PPP1R15A: variants seen among roughly 807,000 people sequenced by gnomAD.
PPP1R15A encodes protein phosphatase 1 regulatory subunit 15A.
PPP1R15A carries 43 observed loss-of-function variants against 48.5 expected under a neutral mutation model. The ratio of observed to expected loss-of-function variants is 0.89; its 90% CI spans 0.69 to 1.14. The LOEUF is 1.14. Ranked by LOEUF, PPP1R15A falls within the 50% of genes most tolerant of loss-of-function variation. PPP1R15A has a pLI of 0.00. For synonymous variants in PPP1R15A, 327 were observed against 327.4 expected (o/e 1.00, Z 0.01); for missense variants, 868 against 847.2 (o/e 1.02, Z -0.30).
Position 48,873,984 on chromosome 19 carries a change from C to T in PPP1R15A, c.751C>T (p.Arg251Ter), listed in dbSNP as rs201262597. 25 of 1,614,120 alleles carry T rather than the reference C, an allele frequency of 1.5e-5. No individual in the cohort carries two copies. The highest frequency in any genetic ancestry group is 1.3e-4 in the East Asian group (6 of 44,882). ...AGCCAGGAAGACCTCCGTGTCCCCC[C>T]GATCTTCAGGCTCCGACCCCAGGTC... ...KGARKTSVSPRSSGSDPRSWE... is the reference protein window; with the variant it reads ...KGARKTSVSP Residue 251 changes from arginine (R) to a stop codon, truncating the protein, a stop_gained, in exon 2 of 3, where the codon CGA becomes TGA. Transcript: ENST00000200453. LOFTEE classifies it high-confidence loss of function.
intron 2 of PPP1R15A, 165 bp from the exon 3 acceptor site, chr19:48,875,448 GA>G: frequency 1.0e-6 from 1 of 952,474 alleles, no homozygotes. Context: ...GAGTCAGATA[GA>G]TAGAGAATCC....
intron 2 of PPP1R15A, chr19:48,875,406 AG>A: frequency 4.3e-6 from 3 of 694,612 alleles, no homozygotes; most frequent in Non-Finnish European, 7.0e-6. Context: ...TGTGGCTCAC[AG>A]CAGCCCCAGG....
chr19:48,875,695 G>A lies in PPP1R15A; in HGVS notation c.1747G>A (p.Glu583Lys). Residue 583 changes from glutamate to lysine, a missense_variant, in exon 3 of 3, where the codon GAG becomes AAG. Transcript: ENST00000200453. ...PAQAARQGPW[E>K]QLARDRSRFA... ...CCAGGCCGCCCGCCAGGGCCCCTGG[G>A]AGCAGCTTGCTCGGGATCGCAGCCG... The A allele has an allele frequency of 6.2e-7, 1 of 1,612,464 alleles. No individual in the cohort carries two copies. The highest frequency in any genetic ancestry group is 1.1e-5 in the South Asian group (1 of 91,016).
chr19:48,872,734 T>C (rs2037023044), intron 1 of PPP1R15A, 83 bp downstream of exon 1: 2 of 299,854 alleles, frequency 6.7e-6, no homozygotes, highest in African/African-American at 4.4e-5. Context: ...GAGCCTGGAG[T>C]CCTGAGCCTG....
Position 48,875,890 on chromosome 19 carries a change from C to T in PPP1R15A, c.1942C>T (p.Pro648Ser). Residue 648 changes from proline (P) to serine (S), a missense_variant, in exon 3 of 3, where the codon CCC becomes TCC. Pro to Ser is a moderately conservative substitution (Grantham distance 74). Coordinates refer to ENST00000200453, the MANE Select transcript of PPP1R15A (RefSeq NM_014330.5). The stretch of plus-strand genomic sequence containing the variant: ...CCCTTCGTCCCCAGTCCAGACCACG[C>T]CCTTGAGCCAAGCTGTGGCCACACC... ...SVPSSPVQTT[P>S]LSQAVATPSR... The T allele has an allele frequency of 6.2e-7, 1 of 1,614,166 alleles. No individual in the cohort carries two copies. The highest frequency in any genetic ancestry group is 8.5e-7 in the Non-Finnish European group (1 of 1,179,982).
At position 48,874,898 on chromosome 19, in the gene PPP1R15A, G is replaced by A. The variant is rs1228917191; in HGVS notation, c.1665G>A (p.Lys555=). The stretch of plus-strand genomic sequence containing the variant: ...CTGAGACTCCCCTAAAGGCCAGAAA[G>A]GTAGGTGCTGAGAGCCCAGATTCTA... ...PDPETPLKAR[K]VRFSEKVTVH... is the part of the protein sequence containing the mutation. Residue 555 remains lysine, a splice_region_variant and synonymous_variant, in exon 2 of 3, where the codon AAG becomes AAA. Transcript: ENST00000200453. 3 of 1,541,408 alleles carry A rather than the reference G, an allele frequency of 1.9e-6. No individual in the cohort carries two copies. Among genetic ancestry groups the A allele is most frequent in the South Asian group, 1.2e-5 (1 of 82,676 alleles).
rs2037019735 is a variant in PPP1R15A at position 48,872,476 on chromosome 19, C to T, written c.-185C>T. ...TCTTATGCAAGACGCTGCACGACCC[C>T]GCGCCCGCTTGTCGCCACGGCACTT... On this transcript the variant is annotated 5_prime_UTR_variant, in exon 1 of 3. Transcript: ENST00000200453. The T allele has an allele frequency of 4.4e-6, 2 of 456,394 alleles. No homozygotes were observed. The highest frequency in any genetic ancestry group is 2.0e-5 in the African/African-American group (1 of 50,076). 28.3% of individuals were successfully genotyped at this position (456,394 alleles called of 1,614,324 possible). A position where few individuals can be genotyped will look rare whatever the true frequency, so the allele number is the denominator to read the frequency against.
intron 2 of PPP1R15A, chr19:48,875,190 C>G: frequency 2.8e-6 from 1 of 352,866 alleles, no homozygotes; most frequent in Non-Finnish European, 5.1e-6. Context: ...CTCAGCCTCC[C>G]AAAGTGCTGG....
rs1416478530 is a variant in PPP1R15A, at chr19:48,873,544, T to C, written c.311T>C (p.Leu104Pro). 1 of 1,614,178 alleles carries C rather than the reference T, an allele frequency of 6.2e-7. No homozygotes were observed. Among genetic ancestry groups the C allele is most frequent in the African/African-American group, 1.3e-5 (1 of 75,038 alleles). ...CTGGGGCTGAAAACCAGCAGTTCCC[T>C]TCCTGAAGCCTGGGGACTTTTGGAT... Reference protein sequence around the residue: ...ETLGLKTSSSLPEAWGLLDDD... With the variant: ...ETLGLKTSSSPPEAWGLLDDD... Residue 104 changes from leucine (L) to proline (P), a missense_variant, in exon 2 of 3, where the codon CTT becomes CCT. By Grantham distance (98) the Leu-to-Pro change is moderately conservative. Coordinates refer to ENST00000200453, the MANE Select transcript of PPP1R15A (RefSeq NM_014330.5).
In PPP1R15A at chr19:48,872,442, A is replaced by C. The variant is rs974077856; in HGVS notation, c.-219A>C. On this transcript the variant is annotated 5_prime_UTR_variant, in exon 1 of 3. Coordinates refer to ENST00000200453, the MANE Select transcript of PPP1R15A (RefSeq NM_014330.5). ...CGTTGCTCTTATCGGTTCCCATCCC[A>C]GTTGTTGATCTTATGCAAGACGCTG... 1 of 456,394 alleles carries C rather than the reference A, an allele frequency of 2.2e-6. No individual in the cohort carries two copies. The highest frequency in any genetic ancestry group is 4.4e-6 in the Non-Finnish European group (1 of 226,784). 28.3% of individuals were successfully genotyped at this position (456,394 alleles called of 1,614,324 possible).
In PPP1R15A at chr19:48,874,286, G is replaced by A. The variant is rs1048612805; in HGVS notation, c.1053G>A (p.Glu351=). 6.2e-7 allele frequency: 1 copy of A among 1,613,968 alleles called. No individual in the cohort carries two copies. Residue 351 remains glutamate (E), a synonymous_variant, in exon 2 of 3, where the codon GAG becomes GAA. Transcript: ENST00000200453. ...TGTATTGGCCAGGAGAGGACACAGA[G>A]GAAGAGGAAGATGAGGAAGAAGATG... ...AWVYWPGEDT[E]EEEDEEEDED...
Position 48,874,702 on chromosome 19 carries a change from CAG to C in PPP1R15A, c.1472_1473del (p.Glu491GlyfsTer6). The C allele has an allele frequency of 6.2e-7, 1 of 1,613,964 alleles. No individual in the cohort carries two copies. The highest frequency in any genetic ancestry group is 8.5e-7 in the Non-Finnish European group (1 of 1,179,956). On this transcript the variant is annotated frameshift_variant, in exon 2 of 3. Transcript: ENST00000200453. LOFTEE classifies it high-confidence loss of function. ...TGGGGATATCGACCTGGAAAAGAGA[CAG>C]AGGAAGAGGAAGCTGCTGAGGACTG...
Position 48,876,033 on chromosome 19 carries a change from T to A in PPP1R15A, c.*60T>A. On this transcript the variant is annotated 3_prime_UTR_variant, in exon 3 of 3. Coordinates refer to ENST00000200453, the MANE Select transcript of PPP1R15A (RefSeq NM_014330.5). ...TATTTTTTCTAAGTGTGGGTTTATA[T>A]AAGGAATAAAGCCTTTTGATTTGTA... 1.3e-6 allele frequency: 2 copies of A among 1,487,512 alleles called. No homozygotes were observed. The highest frequency in any genetic ancestry group is 1.8e-6 in the Non-Finnish European group (2 of 1,119,102). The allele number at this position is 1,487,512 out of a possible 1,614,324, so 92.1% of individuals were successfully genotyped here. A position where few individuals can be genotyped will look rare whatever the true frequency, so the allele number is the denominator to read the frequency against.
chr19:48,873,549 G>A lies in PPP1R15A; in HGVS notation c.316G>A (p.Glu106Lys). The part of the protein sequence containing the change: ...LGLKTSSSLP[E>K]AWGLLDDDDG... ...GCTGAAAACCAGCAGTTCCCTTCCT[G>A]AAGCCTGGGGACTTTTGGATGATGA... The change falls in exon 2 of 3, where the codon GAA becomes AAA. Residue 106 changes from glutamate to lysine, a missense_variant. Coordinates refer to ENST00000200453, the MANE Select transcript of PPP1R15A (RefSeq NM_014330.5). The A allele has an allele frequency of 1.2e-6, 2 of 1,614,206 alleles. No homozygotes were observed. The highest frequency in any genetic ancestry group is 1.7e-6 in the Non-Finnish European group (2 of 1,180,028).
In PPP1R15A at chr19:48,872,511, G is replaced by A; in HGVS notation, c.-150G>A. 1 of 456,438 alleles carries A rather than the reference G, an allele frequency of 2.2e-6. No individual in the cohort carries two copies. The highest frequency in any genetic ancestry group is 3.3e-4 in the Middle Eastern group (1 of 3,070). 28.3% of individuals were successfully genotyped at this position (456,438 alleles called of 1,614,324 possible). A position where few individuals can be genotyped will look rare whatever the true frequency, so the allele number is the denominator to read the frequency against. ...TGTCGCCACGGCACTTGAGGCAGCCGGAGATACTCTGAGTTACTCGGAGCC... is the reference window on the plus strand; with the variant it reads ...TGTCGCCACGGCACTTGAGGCAGCCAGAGATACTCTGAGTTACTCGGAGCC... On this transcript the variant is annotated 5_prime_UTR_variant, in exon 1 of 3. Transcript: ENST00000200453.
Position 48,873,507 on chromosome 19 carries a change from G to A in PPP1R15A, c.274G>A (p.Asp92Asn). The A allele has an allele frequency of 6.2e-7, 1 of 1,614,214 alleles. No homozygotes were observed. The highest frequency in any genetic ancestry group is 8.5e-7 in the Non-Finnish European group (1 of 1,180,034). Residue 92 changes from aspartate (D) to asparagine (N), a missense_variant, in exon 2 of 3, where the codon GAC becomes AAC. Transcript: ENST00000200453. The stretch of plus-strand genomic sequence containing the variant: ...TGAAGACAGTGGAGGCCCTGGAGAG[G>A]ACAGAGAAACACTGGGGCTGAAAAC... ...EAEDSGGPGE[D>N]RETLGLKTSS... is the part of the protein sequence containing the mutation.
chr19:48,874,304 A>G lies in PPP1R15A; in HGVS notation c.1071A>G (p.Glu357=), dbSNP rs1394878167. ...ACACAGAGGAAGAGGAAGATGAGGA[A>G]GAAGATGAGGACAGTGACTCTGGAT... ...GEDTEEEEDE[E]EDEDSDSGSD... is the part of the protein sequence containing the mutation. Residue 357 remains glutamate (E), a synonymous_variant, in exon 2 of 3, where the codon GAA becomes GAG. Transcript: ENST00000200453. 1 of 1,605,658 alleles carries G rather than the reference A, an allele frequency of 6.2e-7. No individual in the cohort carries two copies. Among genetic ancestry groups the G allele is most frequent in the South Asian group, 1.1e-5 (1 of 90,632 alleles).
At position 48,874,428 on chromosome 19, in the gene PPP1R15A, G is replaced by C; in HGVS notation, c.1195G>C (p.Glu399Gln). 1 of 1,614,128 alleles carries C rather than the reference G, an allele frequency of 6.2e-7. No homozygotes were observed. The highest frequency in any genetic ancestry group is 8.5e-7 in the Non-Finnish European group (1 of 1,180,024). The change falls in exon 2 of 3, where the codon GAG (glutamate) becomes CAG (glutamine). Residue 399 changes from glutamate to glutamine, a missense_variant. Glu to Gln is a conservative substitution (Grantham distance 29, BLOSUM62 2). Coordinates refer to ENST00000200453, the MANE Select transcript of PPP1R15A (RefSeq NM_014330.5). The part of the protein sequence containing the change: ...WVYQPGEDTE[E>Q]EEDEDSDTGS... ...CTATCAGCCAGGAGAGGACACAGAG[G>C]AGGAGGAAGATGAGGACAGTGATAC... is the stretch of plus-strand genomic sequence containing the variant.
In PPP1R15A at chr19:48,873,266, C is replaced by G. The variant is rs779896799; in HGVS notation, c.33C>G (p.Thr11=). The change falls in exon 2 of 3, where the codon ACC becomes ACG. Residue 11 remains threonine, a synonymous_variant. Coordinates refer to ENST00000200453, the MANE Select transcript of PPP1R15A (RefSeq NM_014330.5). ...CAGGCCAAGCACCCCATCAGGCTAC[C>G]CCGTGGAGGGATGCCCACCCTTTCT... MAPGQAPHQA[T]PWRDAHPFFL... is the part of the protein sequence containing the mutation. The G allele has an allele frequency of 1.3e-6, 2 of 1,561,022 alleles. No individual in the cohort carries two copies. The highest frequency in any genetic ancestry group is 4.5e-5 in the East Asian group (2 of 44,516).
Sources: gnomAD v4.1 joint callset for allele counts on GRCh38, gnomAD v4.1.1 for gene constraint, MANE v1.5 for transcripts, NCBI Gene and HGNC (gene_info 2026-07-23, HGNC 2026-07-21) for gene names.